The following HCN4 variants were observed in gnomAD, a reference collection of about 807,000 sequenced individuals.
The protein encoded by HCN4 is hyperpolarization activated cyclic nucleotide gated potassium channel 4.
In HCN4, 29 loss-of-function variants were observed where a neutral mutation model predicts 76.9. The observed-to-expected ratio is 0.38, with a 90% CI of 0.28 to 0.51. The LOEUF (loss-of-function observed/expected upper bound fraction) is 0.51, where lower values mean the gene tolerates loss of function less well. Ranked by LOEUF, HCN4 falls within the 20% of genes least tolerant of loss-of-function variation. The probability of loss-of-function intolerance (pLI) is 0.90; values close to 1 mark genes in which losing one functional copy is unlikely to be tolerated. For missense variants in HCN4, 1,416 were observed against 1,715.2 expected, an observed-to-expected ratio of 0.83 and a Z score of 3.08; for synonymous variants, 772 against 762.5, an observed-to-expected ratio of 1.01 and a Z score of -0.21.
Position 73,368,319 on chromosome 15 carries a change from C to G in HCN4, c.-49G>C, listed in dbSNP as rs2043140362. Reference sequence around the variant, plus strand: ...CGGGCCGGGGGCAGGAGCGCGGCGCCGCGGACGGGCTCCAGGTCCGCCCGC... The same window carrying G: ...CGGGCCGGGGGCAGGAGCGCGGCGCGGCGGACGGGCTCCAGGTCCGCCCGC... On this transcript the variant is annotated 5_prime_UTR_variant, in exon 1 of 8. Coordinates refer to ENST00000261917, the MANE Select transcript of HCN4 (RefSeq NM_005477.3). This position sits in a 1 kb window ranked among gnomAD's most constrained non-coding sequence, Gnocchi z 6.9. The G allele has an allele frequency of 7.4e-7, 1 of 1,353,786 alleles. No individual in the cohort carries two copies. Among genetic ancestry groups the G allele is most frequent in the Non-Finnish European group, 9.6e-7 (1 of 1,039,086 alleles). The allele number at this position is 1,353,786 out of a possible 1,614,324, so 83.9% of individuals were successfully genotyped here.
At chr15:73,330,822 G>A (rs901202499) in intron 3 of HCN4, among the ~76,000 whole-genome samples, 7 of 152,204 alleles carry the variant, frequency 4.6e-5, no homozygotes, top group Admixed American at 1.3e-4. Flanking sequence ...GTGGGGACCA[G>A]GAGGGCTCAT....
chr15:73,354,026 A>G (rs549616189), intron 1 of HCN4, among the ~76,000 whole-genome samples: 1 of 152,166 alleles, frequency 6.6e-6, no homozygotes, highest in Admixed American at 6.5e-5. Flanking sequence ...ACTCAGAATC[A>G]CAGGGCTCCC....
Position 73,367,108 on chromosome 15 carries a change from A to T in HCN4, c.785+378T>A, listed in dbSNP as rs2043131965. Reference sequence around the variant, plus strand: ...GTCTCTCTTCACGGCCCTGCTCTGCAGGCTGAATGACCCGGAGCTGCCTCT... The same window carrying T: ...GTCTCTCTTCACGGCCCTGCTCTGCTGGCTGAATGACCCGGAGCTGCCTCT... On this transcript the variant is annotated intron_variant, in intron 1 of 7. Coordinates refer to ENST00000261917, the MANE Select transcript of HCN4 (RefSeq NM_005477.3). The surrounding 1 kb of genome is among the most constrained non-coding windows in gnomAD (Gnocchi z 7.5). Among the ~76,000 whole-genome samples, 1 of 152,150 alleles carries T rather than the reference A, an allele frequency of 6.6e-6. No homozygotes were observed. The highest frequency in any genetic ancestry group is 1.5e-5 in the Non-Finnish European group (1 of 68,014).
At position 73,323,151 on chromosome 15, in the gene HCN4, TC is replaced by T; in HGVS notation, c.2941del (p.Glu981SerfsTer4). The T allele has an allele frequency of 3.2e-6, 5 of 1,577,292 alleles. No homozygotes were observed. Among genetic ancestry groups the T allele is most frequent in the South Asian group, 2.3e-5 (2 of 85,970 alleles). ...SPGQLGQPPG[E>X]LSLGLATGPL... ...GCCAGTGGCCAGACCTAGGGACAACTCCCCGGGAGGCTGGCCCAGCTGCCCG... is the reference window on the plus strand; with the variant it reads ...GCCAGTGGCCAGACCTAGGGACAACTCCCGGGAGGCTGGCCCAGCTGCCCG... On this transcript the variant is annotated frameshift_variant, in exon 8 of 8. Transcript: ENST00000261917. LOFTEE classifies it high-confidence loss of function.
chr15:73,322,404 T>G lies in HCN4; in HGVS notation c.*77A>C. 1 of 1,135,704 alleles carries G rather than the reference T, an allele frequency of 8.8e-7. No individual in the cohort carries two copies. 70.4% of individuals were successfully genotyped at this position (1,135,704 alleles called of 1,614,324 possible). A position where few individuals can be genotyped will look rare whatever the true frequency, so the allele number is the denominator to read the frequency against. ...AATAATTATTACTGTTATTGGTATATCTCCTAATCACAGTTAAACCTGAAG... is the reference window on the plus strand; with the variant it reads ...AATAATTATTACTGTTATTGGTATAGCTCCTAATCACAGTTAAACCTGAAG... On this transcript the variant is annotated 3_prime_UTR_variant, in exon 8 of 8. Transcript: ENST00000261917.
intron 1 of HCN4, among the ~76,000 whole-genome samples, chr15:73,353,010 ATGG>A (rs1328947636): frequency 6.6e-6 from 1 of 150,564 alleles, no homozygotes; most frequent in Non-Finnish European, 1.5e-5. Context: ...GGACAGATGG[ATGG>A]ATGGATGGAT....
Position 73,322,300 on chromosome 15 carries a change from G to A in HCN4, c.*181C>T. 1 of 466,810 alleles carries A rather than the reference G, an allele frequency of 2.1e-6. No homozygotes were observed. Among genetic ancestry groups the A allele is most frequent in the Admixed American group, 2.9e-5 (1 of 33,922 alleles). The allele number at this position is 466,810 out of a possible 1,614,324, so 28.9% of individuals were successfully genotyped here. A position where few individuals can be genotyped will look rare whatever the true frequency, so the allele number is the denominator to read the frequency against. ...GTATTAAAATAGTCTATAAAAGCAA[G>A]TGACCAAAAATCTATAGCTCTAAGA... On this transcript the variant is annotated 3_prime_UTR_variant, in exon 8 of 8. Transcript: ENST00000261917.
intron 1 of HCN4, among the ~76,000 whole-genome samples, chr15:73,352,842 C>G (rs1477229472): frequency 6.6e-6 from 1 of 152,254 alleles, no homozygotes; most frequent in Non-Finnish European, 1.5e-5. Flanking sequence ...CTCCATTCCC[C>G]AACCAGACAG....
In HCN4 at chr15:73,368,110, G is replaced by A; in HGVS notation, c.161C>T (p.Pro54Leu). The A allele has an allele frequency of 1.3e-6, 2 of 1,505,232 alleles. No individual in the cohort carries two copies. Among genetic ancestry groups the A allele is most frequent in the Non-Finnish European group, 1.8e-6 (2 of 1,130,762 alleles). 93.2% of individuals were successfully genotyped at this position (1,505,232 alleles called of 1,614,324 possible). A position where few individuals can be genotyped will look rare whatever the true frequency, so the allele number is the denominator to read the frequency against. ...CGCGGCCGCCGAGGGGGAGGGCGAG[G>A]GCAGTGGCCGCAGCCGGATGCTCCT... ...SRRSIRLRPL[P>L]SPSPSAAAGG... Residue 54 changes from proline to leucine, a missense_variant, in exon 1 of 8, where the codon CCC becomes CTC. Around this residue, in one of 6 missense-constraint regions of HCN4, gnomAD observed 355 missense variants for 347.8 expected, o/e 1.02. Coordinates refer to ENST00000261917, the MANE Select transcript of HCN4 (RefSeq NM_005477.3). This position sits in a 1 kb window ranked among gnomAD's most constrained non-coding sequence, Gnocchi z 6.9.
At chr15:73,355,382 ATC>A (rs1303902681) in intron 1 of HCN4, among the ~76,000 whole-genome samples, 2 of 152,000 alleles carry the variant, frequency 1.3e-5, no homozygotes, top group African/African-American at 4.8e-5. Context: ...AGTTCCATGA[ATC>A]TCTGCAGTGC....
intron 1 of HCN4, among the ~76,000 whole-genome samples, chr15:73,350,934 G>A (rs1458472788): frequency 5.3e-5 from 8 of 151,886 alleles, no homozygotes; most frequent in South Asian, 2.1e-4. Context: ...TCTCGCTTTC[G>A]TGCCCCTCAC....
chr15:73,367,333 C>T lies in HCN4; in HGVS notation c.785+153G>A, dbSNP rs2043132875. On this transcript the variant is annotated intron_variant, in intron 1 of 7. Transcript: ENST00000261917. The surrounding 1 kb of genome is among the most constrained non-coding windows in gnomAD (Gnocchi z 7.5). ...TCCCCCAGCGCGGTGCAGGAGGGGGCCTGGGGGTGTCTCGGAGCCTAGAGG... is the reference window on the plus strand; with the variant it reads ...TCCCCCAGCGCGGTGCAGGAGGGGGTCTGGGGGTGTCTCGGAGCCTAGAGG... Among the ~76,000 whole-genome samples, 2 of 152,022 alleles carry T rather than the reference C, an allele frequency of 1.3e-5. No homozygotes were observed. The highest frequency in any genetic ancestry group is 6.5e-5 in the Admixed American group (1 of 15,274).
At position 73,328,390 on chromosome 15, in the gene HCN4, T is replaced by C. The variant is rs1346261176; in HGVS notation, c.1590+1183A>G. 6.6e-6 allele frequency among the ~76,000 whole-genome samples: 1 copy of C among 151,906 alleles called. No individual in the cohort carries two copies. The highest frequency in any genetic ancestry group is 2.4e-5 in the African/African-American group (1 of 41,322). ...CAGATCCCTGGTTATGCTCCTCAAA[T>C]GCCAGGCTGGGAAAACATGCTGAGG... On this transcript the variant is annotated intron_variant, in intron 4 of 7. Transcript: ENST00000261917. This position sits in a 1 kb window ranked among gnomAD's most constrained non-coding sequence, Gnocchi z 4.0.
intron 6 of HCN4, 89 bp downstream of exon 6, chr15:73,324,853 TGTGGCCAAGAAGG>T: frequency 7.0e-7 from 1 of 1,435,554 alleles, no homozygotes; most frequent in South Asian, 1.2e-5. Context: ...CCCTCCAGGC[TGTGGCCAAGAAGG>T]GTGCTCACTG....
chr15:73,350,866 AC>A (rs768279865), intron 1 of HCN4, among the ~76,000 whole-genome samples: 13 of 151,560 alleles, frequency 8.6e-5, no homozygotes, highest in Non-Finnish European at 1.5e-4. Flanking sequence ...CCCTCCCTGA[AC>A]CCCTGCTGTC....
intron 1 of HCN4, among the ~76,000 whole-genome samples, chr15:73,345,072 G>C (rs897762063): frequency 1.8e-4 from 28 of 152,236 alleles, no homozygotes; most frequent in African/African-American, 6.5e-4. Flanking sequence ...CAGGAGGAAG[G>C]AAGTGGGAAA....
chr15:73,359,645 G>A, intron 1 of HCN4, among the ~76,000 whole-genome samples: 1 of 152,088 alleles, frequency 6.6e-6, no homozygotes, highest in Non-Finnish European at 1.5e-5. Flanking sequence ...CACAGACTTA[G>A]CCCTGACCCC....
In HCN4 at chr15:73,342,829, C is replaced by A. The variant is rs116567245; in HGVS notation, c.1209+556G>T. ...TCATAATGCTATAGATCTAGCAACC[C>A]TGGGCCCATTCCCACTTGACAAAAA... On this transcript the variant is annotated intron_variant, in intron 2 of 7. Transcript: ENST00000261917. Among the ~76,000 whole-genome samples, 772 of 152,308 alleles carry A rather than the reference C, an allele frequency of 5.1e-3. 5 individuals are homozygous for A. Among genetic ancestry groups the A allele is most frequent in the African/African-American group, 0.017 (705 of 41,544 alleles).
intron 1 of HCN4, among the ~76,000 whole-genome samples, chr15:73,344,010 G>A (rs1205861623): frequency 6.6e-6 from 1 of 152,168 alleles, no homozygotes; most frequent in Admixed American, 6.5e-5. Context: ...ATTCACTAAG[G>A]ATACCCTCCG....
Sources: gnomAD v4.1 joint callset for allele counts (sites outside exome capture counted in the v4.1 genomes callset) on GRCh38, gnomAD v4.1.1 for gene constraint, gnomAD v4.1.1 regional missense constraint, Gnocchi (gnomAD v3.1) non-coding constraint, MANE v1.5 for transcripts, NCBI Gene and HGNC (gene_info 2026-07-23, HGNC 2026-07-21) for gene names.